ALMS1: variants seen among roughly 807,000 people sequenced by gnomAD.
ALMS1 encodes the protein ALMS1 centrosome and basal body associated protein.
A neutral mutation model predicts 352.2 loss-of-function variants in ALMS1; 271 were observed. The ratio of observed to expected loss-of-function variants is 0.77; its 90% confidence interval spans 0.70 to 0.85. The LOEUF (loss-of-function observed/expected upper bound fraction) is 0.85. Among genes scored for constraint, ALMS1 ranks in the 40% least tolerant of loss-of-function variants. The pLI is 0.00. For synonymous variants in ALMS1, 1,865 were observed against 1,761.2 expected (o/e 1.06, Z -1.48); for missense variants, 5,445 against 4,870.7 (o/e 1.12, Z -3.51).
chr2:73,458,467 A>G (rs1485104039), intron 9 of ALMS1: 3 of 152,204 alleles, frequency 2.0e-5, no homozygotes, highest in East Asian at 1.9e-4. Flanking sequence ...TGAACAAAAT[A>G]GACAAACATT....
At chr2:73,556,833 G>A (rs1674555408) in intron 13 of ALMS1, among the ~76,000 whole-genome samples, 1 of 151,978 alleles carries the variant, frequency 6.6e-6, no homozygotes, top group Admixed American at 6.6e-5. Context: ...CTCCTGAGTA[G>A]CTGGGACTAC....
intron 11 of ALMS1, among the ~76,000 whole-genome samples, chr2:73,522,631 A>G (rs1558680193): frequency 6.6e-6 from 1 of 151,694 alleles, no homozygotes; most frequent in Non-Finnish European, 1.5e-5. Context: ...ACCACGCCCA[A>G]CTAATTTTTG....
rs148570207 is a variant in ALMS1 at position 73,537,841 on chromosome 2, T to A, written c.9907+2892T>A. 4.6e-3 allele frequency among the ~76,000 whole-genome samples: 703 copies of A among 152,070 alleles called. 5 individuals carry two copies. The highest frequency in any genetic ancestry group is 6.0e-3 in the Non-Finnish European group (406 of 67,978). On this transcript the variant is annotated intron_variant, in intron 12 of 22. Coordinates refer to ENST00000613296, the MANE Select transcript of ALMS1 (RefSeq NM_001378454.1). ...GGGCAATGTAGTAAGACCCTGTCTC[T>A]ACAAAAAATTAAAAATCAGCCAAGC...
At chr2:73,485,962 C>T (rs1178150537) in intron 9 of ALMS1, among the ~76,000 whole-genome samples, 4 of 152,004 alleles carry the variant, frequency 2.6e-5, no homozygotes, top group South Asian at 2.1e-4. Context: ...CACTGACCTG[C>T]GCCCACTGTC....
chr2:73,421,440 G>C lies in ALMS1; in HGVS notation c.647-1417G>C, dbSNP rs374725987. On this transcript the variant is annotated intron_variant, in intron 3 of 22. Transcript: ENST00000613296. Reference sequence around the variant, plus strand: ...AAAAACTCTTCATGAGTTTTAGAGGGGTGAAGGACTGTTACGGAGGTTTAA... The same window carrying C: ...AAAAACTCTTCATGAGTTTTAGAGGCGTGAAGGACTGTTACGGAGGTTTAA... 3.3e-5 allele frequency among the ~76,000 whole-genome samples: 5 copies of C among 152,212 alleles called. No individual in the cohort carries two copies. In the East Asian group the frequency reaches 7.7e-4, roughly 23 times the overall value.
In ALMS1 at chr2:73,452,095, C is replaced by G. The variant is rs1393581675; in HGVS notation, c.5568C>G (p.His1856Gln). ...CTAATTCCTACCCACAGAGAGAGCA[C>G]TCTGTCATTTCTTATGAGCAGGAGT... is the stretch of plus-strand genomic sequence containing the variant. ...LPSNSYPQRE[H>Q]SVISYEQELP... is the part of the protein sequence containing the mutation. Residue 1856 changes from histidine (H) to glutamine (Q), a missense_variant, in exon 8 of 23, where the codon CAC becomes CAG. His to Gln is a conservative substitution (Grantham distance 24). Coordinates refer to ENST00000613296, the MANE Select transcript of ALMS1 (RefSeq NM_001378454.1). 1.2e-6 allele frequency: 2 copies of G among 1,613,808 alleles called. No individual in the cohort carries two copies. The highest frequency in any genetic ancestry group is 1.7e-6 in the Non-Finnish European group (2 of 1,179,964).
At chr2:73,477,836 G>A (rs1237332414) in intron 9 of ALMS1, among the ~76,000 whole-genome samples, 3 of 152,082 alleles carry the variant, frequency 2.0e-5, no homozygotes, top group Admixed American at 6.6e-5. Context: ...CTGCAGCTTT[G>A]CTGAACTTAT....
At chr2:73,403,577 G>A (rs1670914462) in intron 1 of ALMS1, among the ~76,000 whole-genome samples, 1 of 151,744 alleles carries the variant, frequency 6.6e-6, no homozygotes, top group Admixed American at 6.6e-5. Flanking sequence ...AATGCCATTG[G>A]CATTTTCATA....
At chr2:73,551,584 G>C (rs1183840239) in intron 13 of ALMS1, among the ~76,000 whole-genome samples, 1 of 151,574 alleles carries the variant, frequency 6.6e-6, no homozygotes, top group African/African-American at 2.4e-5. Flanking sequence ...ACAGGCACCC[G>C]CCTCCACACC....
chr2:73,573,635 A>G lies in ALMS1; in HGVS notation c.11547+211A>G, dbSNP rs890137168. 1.3e-5 allele frequency: 9 copies of G among 669,986 alleles called. No individual in the cohort carries two copies. In the African/African-American group the frequency reaches 1.6e-4, roughly 12 times the overall value. 41.5% of individuals were successfully genotyped at this position (669,986 alleles called of 1,614,324 possible). On this transcript the variant is annotated intron_variant, in intron 16 of 22. Coordinates refer to ENST00000613296, the MANE Select transcript of ALMS1 (RefSeq NM_001378454.1). The stretch of plus-strand genomic sequence containing the variant: ...CATTCATTTACGAATTACCTTTTGA[A>G]TGAAGGGCTTTGCTGCTAGATCCTT...
chr2:73,564,465 C>CAAAAAAAAAAAAAAAA (rs367797062), intron 15 of ALMS1, among the ~76,000 whole-genome samples: 1 of 63,362 alleles, frequency 1.6e-5, no homozygotes, highest in Non-Finnish European at 3.4e-5. Flanking sequence ...GACTCCGTCT[C>CAAAAAAAAAAAAAAAA]AAAAAAAAAA....
At chr2:73,538,851 T>C (rs1050932567) in intron 12 of ALMS1, among the ~76,000 whole-genome samples, 1 of 152,192 alleles carries the variant, frequency 6.6e-6, no homozygotes, top group Non-Finnish European at 1.5e-5. Flanking sequence ...GCGCCCTCCA[T>C]TGCCGAGGCT....
At chr2:73,517,234 G>T (rs1572989370) in intron 10 of ALMS1, among the ~76,000 whole-genome samples, 1 of 87,652 alleles carries the variant, frequency 1.1e-5, no homozygotes. Flanking sequence ...GTGATTTTTT[G>T]AAAGTTTTAG....
At chr2:73,508,677 G>T (rs1473668882) in intron 10 of ALMS1, among the ~76,000 whole-genome samples, 4 of 152,128 alleles carry the variant, frequency 2.6e-5, no homozygotes, top group African/African-American at 9.7e-5. Flanking sequence ...CTGTTGATTT[G>T]GGGTGTAGAG....
At chr2:73,516,138 A>G (rs945543505) in intron 10 of ALMS1, among the ~76,000 whole-genome samples, 1 of 152,366 alleles carries the variant, frequency 6.6e-6, no homozygotes, top group East Asian at 1.9e-4. Context: ...GGCAAAGGAC[A>G]TGAACAGACG....
intron 10 of ALMS1, among the ~76,000 whole-genome samples, chr2:73,493,011 TC>T (rs1345066201): frequency 1.3e-5 from 2 of 152,044 alleles, no homozygotes; most frequent in Non-Finnish European, 2.9e-5. Context: ...ATTGACAATT[TC>T]ATATACAATT....
rs1218923712 is a variant in ALMS1 at position 73,453,076 on chromosome 2, A to G, written c.6549A>G (p.Thr2183=). ...CTGATCAAATTACCGGATTACAAAC[A>G]GTTCCCTCTGGTACTTACTCACATG... ...GQADQITGLQ[T]VPSGTYSHGE... is the part of the protein sequence containing the mutation. Residue 2183 remains threonine (T), a synonymous_variant, in exon 8 of 23, where the codon ACA becomes ACG. Coordinates refer to ENST00000613296, the MANE Select transcript of ALMS1 (RefSeq NM_001378454.1). The G allele has an allele frequency of 6.2e-7, 1 of 1,614,074 alleles. No homozygotes were observed. Among genetic ancestry groups the G allele is most frequent in the Admixed American group, 1.7e-5 (1 of 60,008 alleles).
intron 16 of ALMS1, among the ~76,000 whole-genome samples, chr2:73,595,412 G>T (rs1358980898): frequency 6.6e-6 from 1 of 152,150 alleles, no homozygotes; most frequent in East Asian, 1.9e-4. Flanking sequence ...GTGGTCTTTT[G>T]CATCTGCCTT....
In ALMS1 at chr2:73,435,644, A is replaced by G. The variant is rs185632479; in HGVS notation, c.1432+3353A>G. 9.7e-3 allele frequency among the ~76,000 whole-genome samples: 1,465 copies of G among 151,080 alleles called. 8 individuals are homozygous for G. Among genetic ancestry groups the G allele is most frequent in the Admixed American group, 0.018 (270 of 15,110 alleles). On this transcript the variant is annotated intron_variant, in intron 7 of 22. Transcript: ENST00000613296. ...TAGTCGGGGACTTGCTCTGTTGCCC[A>G]GGTTGGATTGCAGTGGCATGATCAT...
Sources: gnomAD v4.1 joint callset for allele counts (sites outside exome capture counted in the v4.1 genomes callset) on GRCh38, gnomAD v4.1.1 for gene constraint, MANE v1.5 for transcripts, NCBI Gene and HGNC (gene_info 2026-07-23, HGNC 2026-07-21) for gene names.